Variants in LINGO2 observed in about 807,000 individuals in gnomAD.
LINGO2 encodes the protein leucine-rich repeat and immunoglobulin-like domain-containing nogo receptor-interacting protein 2.
In LINGO2, 14 loss-of-function variants were observed where a neutral mutation model predicts 30.6. The observed-to-expected ratio is 0.46, with a 90% CI of 0.30 to 0.72. The LOEUF (loss-of-function observed/expected upper bound fraction) is 0.72. Among genes scored for constraint, LINGO2 ranks in the 30% least tolerant of loss-of-function variants. The pLI, the probability that LINGO2 is intolerant of heterozygous loss-of-function variation, is 0.07. For missense variants in LINGO2, 729 were observed against 751.7 expected (o/e 0.97, Z 0.35); for synonymous variants, 317 against 288.5 (o/e 1.10, Z -1.00).
chr9:28,847,573 G>C, the LINGO2 span, among the ~76,000 whole-genome samples: 1 of 146,078 alleles, frequency 6.8e-6, no homozygotes, highest in Non-Finnish European at 1.5e-5. Context: ...CTGATTTTCT[G>C]CTTTGGAAGC....
the LINGO2 span, among the ~76,000 whole-genome samples, chr9:29,028,448 C>T: frequency 7.3e-6 from 1 of 137,408 alleles, no homozygotes; most frequent in African/African-American, 2.7e-5. Flanking sequence ...GAGAGAGAGA[C>T]ACAGAGAGAG....
At chr9:28,093,426 T>G (rs1353943238) in intron 4 of LINGO2, among the ~76,000 whole-genome samples, 1 of 152,102 alleles carries the variant, frequency 6.6e-6, no homozygotes, top group African/African-American at 2.4e-5. Flanking sequence ...GCTTTCAGCA[T>G]AGCAACACGT....
chr9:28,669,643 C>G (rs187588903), intron 1 of LINGO2, among the ~76,000 whole-genome samples: 62 of 152,066 alleles, frequency 4.1e-4, no homozygotes, highest in African/African-American at 1.4e-3. Flanking sequence ...ACAAGACATT[C>G]CAAGAAAAGG....
At chr9:28,036,346 G>C (rs375098017) in intron 4 of LINGO2, among the ~76,000 whole-genome samples, 9 of 152,246 alleles carry the variant, frequency 5.9e-5, no homozygotes, top group East Asian at 3.9e-4. Context: ...CACATCATGG[G>C]AAAGGAGAGG....
chr9:28,582,443 G>A lies in LINGO2; in HGVS notation c.-365+87757C>T, dbSNP rs570910382. Among the ~76,000 whole-genome samples the A allele has an allele frequency of 3.9e-5, 6 of 152,102 alleles. No homozygotes were observed. The East Asian group carries it at 9.7e-4, about 25-fold the overall frequency. On this transcript the variant is annotated intron_variant, in intron 1 of 5. Coordinates refer to ENST00000379992, the Ensembl canonical transcript of LINGO2. ...CAACAATGGCATCACTCCAGTAACC[G>A]TGCTTCTGAAAGTTAGCAAGTTAGT...
chr9:28,481,769 C>T (rs1353999930), intron 1 of LINGO2, among the ~76,000 whole-genome samples: 1 of 151,312 alleles, frequency 6.6e-6, no homozygotes, highest in Non-Finnish European at 1.5e-5. Context: ...GCTATCCCTC[C>T]CTCCTCCCCC....
At chr9:28,995,622 A>G in the LINGO2 span, among the ~76,000 whole-genome samples, 1 of 152,168 alleles carries the variant, frequency 6.6e-6, no homozygotes, top group Non-Finnish European at 1.5e-5. Context: ...AACCAACCCA[A>G]ATGTCCAACA....
the LINGO2 span, among the ~76,000 whole-genome samples, chr9:28,884,959 T>TA: frequency 4.6e-4 from 8 of 17,538 alleles, no homozygotes; most frequent in African/African-American, 1.6e-3. Flanking sequence ...ATATATAATA[T>TA]TTTATATATA....
intron 4 of LINGO2, among the ~76,000 whole-genome samples, chr9:28,133,414 G>A (rs1827430721): frequency 6.6e-6 from 1 of 152,106 alleles, no homozygotes; most frequent in Admixed American, 6.6e-5. Flanking sequence ...AGACATTCAT[G>A]TAGAGCTGTC....
At chr9:28,582,045 G>T (rs758249648) in intron 1 of LINGO2, among the ~76,000 whole-genome samples, 1 of 151,880 alleles carries the variant, frequency 6.6e-6, no homozygotes, top group African/African-American at 2.4e-5. Context: ...TGTATTTAAT[G>T]ATTCTGTCCT....
At chr9:29,175,032 G>T in the LINGO2 span, among the ~76,000 whole-genome samples, 1 of 152,148 alleles carries the variant, frequency 6.6e-6, no homozygotes, top group Admixed American at 6.5e-5. Context: ...AGGCCGATGT[G>T]AGGGGACAAT....
intron 1 of LINGO2, among the ~76,000 whole-genome samples, chr9:28,617,299 TTTC>T (rs1826172567): frequency 1.3e-5 from 2 of 150,412 alleles, no homozygotes; most frequent in African/African-American, 2.5e-5. Flanking sequence ...TTTCTTTTCT[TTTC>T]TTTTTTTTTT....
chr9:28,779,251 A>T, the LINGO2 span, among the ~76,000 whole-genome samples: 1 of 152,172 alleles, frequency 6.6e-6, no homozygotes, highest in Non-Finnish European at 1.5e-5. Flanking sequence ...ATTGACTAAT[A>T]TACATTTCCA....
At chr9:28,843,126 T>C in the LINGO2 span, among the ~76,000 whole-genome samples, 1 of 151,782 alleles carries the variant, frequency 6.6e-6, no homozygotes, top group Non-Finnish European at 1.5e-5. Context: ...CCTATGAATA[T>C]CTTTAGAAAT....
At chr9:28,220,955 A>AT (rs1820935841) in intron 4 of LINGO2, among the ~76,000 whole-genome samples, 1 of 152,242 alleles carries the variant, frequency 6.6e-6, no homozygotes, top group Non-Finnish European at 1.5e-5. Context: ...CAAGAGATCC[A>AT]TTGTATAGCA....
chr9:28,562,457 C>CAAA (rs56998877), intron 1 of LINGO2, among the ~76,000 whole-genome samples: 8,902 of 108,962 alleles, frequency 0.082, 679 homozygotes, highest in African/African-American at 0.14. Context: ...CATTTACTTT[C>CAAA]AAAAAAAAAA....
chr9:27,998,172 C>T (rs1821765057), intron 5 of LINGO2, among the ~76,000 whole-genome samples: 1 of 152,024 alleles, frequency 6.6e-6, no homozygotes, highest in African/African-American at 2.4e-5. Flanking sequence ...TCTACATTGA[C>T]CAACAGAATG....
At chr9:28,816,204 A>C in the LINGO2 span, among the ~76,000 whole-genome samples, 1 of 152,210 alleles carries the variant, frequency 6.6e-6, no homozygotes, top group Non-Finnish European at 1.5e-5. Flanking sequence ...CCCACCTCTT[A>C]ACACTGTGGC....
intron 2 of LINGO2, among the ~76,000 whole-genome samples, chr9:28,433,949 C>CTATATATATA (rs375073572): frequency 4.5e-5 from 4 of 88,538 alleles, no homozygotes; most frequent in African/African-American, 1.8e-4. Flanking sequence ...CTCTCTCTCT[C>CTATATATATA]TATATATATA....
Sources: allele counts gnomAD v4.1 joint callset (sites outside exome capture counted in the v4.1 genomes callset), GRCh38; gene constraint gnomAD v4.1.1; transcripts MANE v1.5; gene names NCBI Gene and HGNC (gene_info 2026-07-23, HGNC 2026-07-21).